Variants in UBE4B observed in about 807,000 individuals in gnomAD.
UBE4B encodes ubiquitination factor E4B.
In UBE4B, 27 loss-of-function variants were observed where a neutral mutation model predicts 148.1. The observed-to-expected ratio is 0.18, with a 90% CI of 0.13 to 0.25. The LOEUF is 0.25. Ranked by LOEUF, UBE4B falls within the 10% of genes least tolerant of loss-of-function variation. UBE4B has a pLI of 1.00. For missense variants in UBE4B, 1,170 were observed against 1,662.4 expected (o/e 0.70, Z 5.15); for synonymous variants, 596 against 619.3 (o/e 0.96, Z 0.56).
intron 1 of UBE4B, among the ~76,000 whole-genome samples, chr1:10,056,584 T>A (rs552515350): frequency 2.6e-5 from 4 of 152,348 alleles, no homozygotes; most frequent in African/African-American, 9.6e-5. Flanking sequence ...AGTTGTTTGT[T>A]ATATTACCTT....
chr1:10,130,417 C>A, intron 12 of UBE4B, 83 bp from the exon 13 acceptor site: 3 of 1,113,738 alleles, frequency 2.7e-6, no homozygotes, highest in Non-Finnish European at 2.7e-6. Context: ...TGTGAAAATA[C>A]AGAGGAGCTG....
chr1:10,074,755 A>C lies in UBE4B; in HGVS notation c.211+2541A>C, dbSNP rs151261927. On this transcript the variant is annotated intron_variant, in intron 2 of 27. Transcript: ENST00000343090. The stretch of plus-strand genomic sequence containing the variant: ...TGCCTGGTTCCTTTTCATTTCCCTG[A>C]CTTCTAAATGTTAGGATTCAAGGGC... 2.6e-5 allele frequency among the ~76,000 whole-genome samples: 4 copies of C among 152,154 alleles called. No homozygotes were observed. In the East Asian group the frequency reaches 5.8e-4, roughly 22 times the overall value.
chr1:10,086,108 A>G (rs1161014946), intron 2 of UBE4B, among the ~76,000 whole-genome samples: 1 of 152,066 alleles, frequency 6.6e-6, no homozygotes, highest in African/African-American at 2.4e-5. Flanking sequence ...AGTAGCTGGG[A>G]CTACAGGCGC....
At chr1:10,046,371 T>G (rs941064853) in intron 1 of UBE4B, among the ~76,000 whole-genome samples, 3 of 152,190 alleles carry the variant, frequency 2.0e-5, no homozygotes, top group African/African-American at 7.2e-5. Context: ...CCCTGGGTGA[T>G]GTACATTCCA....
chr1:10,153,007 G>C (rs1227157812), intron 21 of UBE4B, among the ~76,000 whole-genome samples: 2 of 151,766 alleles, frequency 1.3e-5, no homozygotes, highest in Non-Finnish European at 2.9e-5. Context: ...GTTGTGCACG[G>C]TTGCTAGCTC....
chr1:10,130,837 A>G (rs1233658677), intron 14 of UBE4B, 24 bp downstream of exon 14: 1 of 1,599,370 alleles, frequency 6.3e-7, no homozygotes, highest in Non-Finnish European at 8.6e-7. Flanking sequence ...AAACAAATCC[A>G]GAGGAAGTAT....
intron 9 of UBE4B, among the ~76,000 whole-genome samples, chr1:10,121,006 T>C (rs1570929879): frequency 1.3e-5 from 2 of 152,150 alleles, no homozygotes; most frequent in East Asian, 3.8e-4. Context: ...CGTTCCTTGA[T>C]TAAAATTAAT....
chr1:10,055,379 A>G (rs1283682535), intron 1 of UBE4B, among the ~76,000 whole-genome samples: 1 of 151,800 alleles, frequency 6.6e-6, no homozygotes, highest in African/African-American at 2.4e-5. Context: ...CACTGGCAGC[A>G]TCATAGCTCA....
intron 2 of UBE4B, among the ~76,000 whole-genome samples, chr1:10,074,516 G>C (rs1008162878): frequency 5.9e-5 from 9 of 151,994 alleles, no homozygotes; most frequent in African/African-American, 2.2e-4. Flanking sequence ...ATCCCCTTCT[G>C]CCCTTGCACT....
chr1:10,162,405 C>T (rs1646178416), intron 23 of UBE4B, among the ~76,000 whole-genome samples: 1 of 152,006 alleles, frequency 6.6e-6, no homozygotes, highest in Admixed American at 6.6e-5. Context: ...GATCTCCTGA[C>T]CTTGTGATCC....
At chr1:10,151,232 C>T in intron 20 of UBE4B, 94 bp from the exon 21 acceptor site, 3 of 1,135,568 alleles carry the variant, frequency 2.6e-6, no homozygotes, top group South Asian at 1.4e-5. Flanking sequence ...ATCCTGCCTT[C>T]CCCTCCTCAC....
Position 10,106,249 on chromosome 1 carries a change from G to A in UBE4B, c.862G>A (p.Val288Met), listed in dbSNP as rs1003391370. The A allele has an allele frequency of 3.1e-6, 5 of 1,613,612 alleles. No individual in the cohort carries two copies. Among genetic ancestry groups the A allele is most frequent in the African/African-American group, 1.3e-5 (1 of 74,872 alleles). ...TCCCAGTTTCTGGAGCTCTGTTCCC[G>A]TGATGGGCCCGTCTCTTGCCTCACC... ...PTPSFWSSVP[V>M]MGPSLASPSR... Residue 288 changes from valine to methionine, a missense_variant, in exon 7 of 28, where the codon GTG (valine) becomes ATG (methionine). Around this residue, in one of 6 missense-constraint regions of UBE4B, gnomAD observed 214 missense variants for 209.1 expected, o/e 1.02. Coordinates refer to ENST00000343090, the MANE Select transcript of UBE4B (RefSeq NM_001105562.3). The surrounding 1 kb of genome is among the most constrained non-coding windows in gnomAD (Gnocchi z 4.2).
intron 15 of UBE4B, among the ~76,000 whole-genome samples, chr1:10,134,330 G>A (rs969052897): frequency 3.3e-5 from 5 of 151,898 alleles, no homozygotes; most frequent in Non-Finnish European, 5.9e-5. Context: ...GGCCAATATG[G>A]TGAAACCCCA....
intron 9 of UBE4B, among the ~76,000 whole-genome samples, chr1:10,120,561 C>T (rs1412039135): frequency 1.3e-5 from 2 of 151,992 alleles, no homozygotes; most frequent in African/African-American, 2.4e-5. Context: ...TAAAAGTTTA[C>T]AGGCCAGGCT....
At chr1:10,102,296 A>G (rs546124953) in intron 4 of UBE4B, among the ~76,000 whole-genome samples, 1 of 150,808 alleles carries the variant, frequency 6.6e-6, no homozygotes, top group East Asian at 2.0e-4. Context: ...TGGAGTGTTA[A>G]CCTGGTCCTA....
rs147070282 is a variant in UBE4B at position 10,177,776 on chromosome 1, A to G, written c.3526-868A>G. On this transcript the variant is annotated intron_variant, in intron 25 of 27. Coordinates refer to ENST00000343090, the MANE Select transcript of UBE4B (RefSeq NM_001105562.3). ...TAAGCAAGTGGCCAGTGTTTTTGCC[A>G]TATATGTTTTACTATAAATACAAAC... is the stretch of plus-strand genomic sequence containing the variant. Among the ~76,000 whole-genome samples, 980 of 152,236 alleles carry G rather than the reference A, an allele frequency of 6.4e-3. 11 individuals carry two copies. The highest frequency in any genetic ancestry group is 0.022 in the African/African-American group (924 of 41,576).
chr1:10,033,502 A>T lies in UBE4B; in HGVS notation c.-169A>T. 2 of 675,136 alleles carry T rather than the reference A, an allele frequency of 3.0e-6. No individual in the cohort carries two copies. Among genetic ancestry groups the T allele is most frequent in the Non-Finnish European group, 4.4e-6 (2 of 452,948 alleles). The allele number at this position is 675,136 out of a possible 1,614,324, so 41.8% of individuals were successfully genotyped here. On this transcript the variant is annotated 5_prime_UTR_variant, in exon 1 of 28. Coordinates refer to ENST00000343090, the MANE Select transcript of UBE4B (RefSeq NM_001105562.3). ...GGAGTGACCGAAGCCAAGGCAGTTT[A>T]GTGCCTCTCGTGTTCTTATTTTTTA...
At chr1:10,094,219 T>C (rs1487542694) in intron 2 of UBE4B, among the ~76,000 whole-genome samples, 1 of 152,214 alleles carries the variant, frequency 6.6e-6, no homozygotes, top group Non-Finnish European at 1.5e-5. Context: ...ACAGTTTCAC[T>C]GTACTGTCAG....
chr1:10,044,455 A>G (rs1359575639), intron 1 of UBE4B, among the ~76,000 whole-genome samples: 1 of 152,028 alleles, frequency 6.6e-6, no homozygotes, highest in Non-Finnish European at 1.5e-5. Context: ...CACTTTTTCC[A>G]TGGGTGGTGG....
Sources: allele counts gnomAD v4.1 joint callset (sites outside exome capture counted in the v4.1 genomes callset), GRCh38; gene constraint gnomAD v4.1.1; regional missense constraint gnomAD v4.1.1; non-coding constraint Gnocchi (gnomAD v3.1); transcripts MANE v1.5; gene names NCBI Gene and HGNC (gene_info 2026-07-23, HGNC 2026-07-21).